Variants in EDNRB observed in about 807,000 individuals in gnomAD.
EDNRB encodes the protein endothelin receptor type B, also known as Hirschsprung disease 2.
Under a neutral mutation model 46.4 loss-of-function variants are expected in EDNRB, and 18 were observed. That is an observed-to-expected ratio of 0.39 (90% CI 0.27 to 0.57). EDNRB has a LOEUF of 0.57. EDNRB is among the 20% of genes least tolerant of loss of function. EDNRB has a pLI of 0.61. For missense variants in EDNRB, 434 were observed against 537.5 expected (o/e 0.81, Z 1.90); for synonymous variants, 213 against 204.9 (o/e 1.04, Z -0.34).
chr13:77,921,795 T>G (rs2137645194), upstream of EDNRB, among the ~76,000 whole-genome samples: 1 of 152,314 alleles, frequency 6.6e-6, no homozygotes, highest in Middle Eastern at 3.4e-3. Flanking sequence ...AGAAAAGGAT[T>G]AAAGTTACTT....
At chr13:77,973,366 A>G (rs1196593491) in intron 1 of EDNRB, among the ~76,000 whole-genome samples, 1 of 152,158 alleles carries the variant, frequency 6.6e-6, no homozygotes, top group Non-Finnish European at 1.5e-5. Context: ...CTAATTTTTA[A>G]TATTTGACTA....
At chr13:77,966,019 G>GGT (rs1881570501) in intron 1 of EDNRB, among the ~76,000 whole-genome samples, 1 of 152,092 alleles carries the variant, frequency 6.6e-6, no homozygotes, top group Admixed American at 6.5e-5. Context: ...TAAGACTGCA[G>GGT]GTGTGTGTCA....
intron 1 of EDNRB, chr13:77,939,650 C>A (rs1258937425): frequency 6.6e-6 from 1 of 152,170 alleles, no homozygotes; most frequent in Non-Finnish European, 1.5e-5. Context: ...ACGAAAATAT[C>A]TGATTCTCTT....
rs539736569 is a variant in EDNRB at position 77,959,746 on chromosome 13, A to C, written c.-52+15601T>G. Among the ~76,000 whole-genome samples, 4 of 152,344 alleles carry C rather than the reference A, an allele frequency of 2.6e-5. No individual in the cohort carries two copies. In the South Asian group the frequency reaches 8.3e-4, roughly 32 times the overall value. ...CAGATGATCAAACTTCTCCGAGCTA[A>C]AGGAGGAAGTTCGAACCCATCATAC... On this transcript the variant is annotated intron_variant, in intron 1 of 7. Coordinates refer to the EDNRB transcript ENST00000646948.
chr13:77,900,028 G>A, intron 5 of EDNRB, 61 bp from the exon 6 acceptor site: 1 of 1,408,986 alleles, frequency 7.1e-7, no homozygotes, highest in Non-Finnish European at 1.0e-6. Flanking sequence ...TGTAGTCATT[G>A]TAGCTTCTGT....
intron 1 of EDNRB, among the ~76,000 whole-genome samples, chr13:77,927,422 G>C (rs1049528764): frequency 2.6e-5 from 4 of 152,198 alleles, no homozygotes; most frequent in South Asian, 2.1e-4. Context: ...GAGGAAGTCT[G>C]TGTCTAGGAA....
chr13:77,934,883 C>T (rs1211340109), intron 1 of EDNRB, among the ~76,000 whole-genome samples: 6 of 151,798 alleles, frequency 4.0e-5, no homozygotes, highest in Admixed American at 1.3e-4. Flanking sequence ...ATAAATCAAG[C>T]GTGATCAGGT....
At chr13:77,917,489 A>G (rs1879869936) in intron 1 of EDNRB, among the ~76,000 whole-genome samples, 1 of 152,170 alleles carries the variant, frequency 6.6e-6, no homozygotes, top group Non-Finnish European at 1.5e-5. Flanking sequence ...GTCCTTCCCA[A>G]AGTTAGTGGG....
chr13:77,906,601 T>C (rs1210451946), intron 1 of EDNRB, among the ~76,000 whole-genome samples: 1 of 152,028 alleles, frequency 6.6e-6, no homozygotes, highest in Non-Finnish European at 1.5e-5. Context: ...AGAAACCAGA[T>C]GGCAAAGAAC....
At chr13:77,944,277 A>G (rs1488817506) in intron 1 of EDNRB, among the ~76,000 whole-genome samples, 1 of 152,140 alleles carries the variant, frequency 6.6e-6, no homozygotes, top group Non-Finnish European at 1.5e-5. Context: ...TTGGTCTTGA[A>G]TATTGAACCA....
chr13:77,942,845 T>G (rs979773541), intron 1 of EDNRB, among the ~76,000 whole-genome samples: 3 of 152,188 alleles, frequency 2.0e-5, no homozygotes, highest in Non-Finnish European at 4.4e-5. Flanking sequence ...TTCTAAATTA[T>G]ATAGGCTTTT....
At chr13:77,942,557 G>A (rs931507448) in intron 1 of EDNRB, among the ~76,000 whole-genome samples, 2 of 151,984 alleles carry the variant, frequency 1.3e-5, no homozygotes, top group Non-Finnish European at 2.9e-5. Context: ...GCATCACATT[G>A]CACCCAATTA....
chr13:77,905,651 T>C (rs1594362492), intron 1 of EDNRB, among the ~76,000 whole-genome samples: 1 of 151,934 alleles, frequency 6.6e-6, no homozygotes, highest in South Asian at 2.1e-4. Context: ...GGATTTGAGG[T>C]GTTTTCTTGA....
intron 1 of EDNRB, among the ~76,000 whole-genome samples, chr13:77,914,237 G>C (rs765051514): frequency 5.9e-5 from 9 of 152,096 alleles, no homozygotes; most frequent in Admixed American, 5.9e-4. Flanking sequence ...CAAACATGTC[G>C]TTTGTAGTCA....
intron 1 of EDNRB, chr13:77,939,274 C>G (rs1254723441): frequency 2.6e-5 from 4 of 152,168 alleles, no homozygotes; most frequent in African/African-American, 9.6e-5. Flanking sequence ...ATTTTCATTT[C>G]TTTTGTGGTG....
In EDNRB at chr13:77,918,683, G is replaced by C. The variant is rs760158617; in HGVS notation, c.-110C>G. ...TTGGGTCAGCTGCCCGAGCCAAGTC[G>C]CTGCAAACGCTAATACCGCCCGCAG... On this transcript the variant is annotated 5_prime_UTR_variant, in exon 1 of 7. Transcript: ENST00000646607. This position sits in a 1 kb window ranked among gnomAD's most constrained non-coding sequence, Gnocchi z 4.5. The C allele has an allele frequency of 1.4e-6, 2 of 1,439,204 alleles. No homozygotes were observed. The highest frequency in any genetic ancestry group is 1.4e-5 in the African/African-American group (1 of 69,764). The allele number at this position is 1,439,204 out of a possible 1,614,324, so 89.2% of individuals were successfully genotyped here.
At position 77,903,246 on chromosome 13, in the gene EDNRB, G is replaced by A. The variant is rs199606499; in HGVS notation, c.711C>T (p.Ala237=). The part of the protein sequence containing the change: ...VVSVVLAVPE[A]IGFDIITMDY... ...CCATCGTAATTATATCAAAACCTAT[G>A]GCTTCAGGGACAGCCAGAACCACAG... Residue 237 remains alanine, a synonymous_variant, in exon 3 of 7, where the codon GCC becomes GCT. Coordinates refer to ENST00000646607, the MANE Select transcript of EDNRB (RefSeq NM_001122659.3). 4.3e-6 allele frequency: 7 copies of A among 1,612,798 alleles called. No homozygotes were observed. Among genetic ancestry groups the A allele is most frequent in the Non-Finnish European group, 5.9e-6 (7 of 1,179,322 alleles).
At chr13:77,900,491 A>C (rs201952865) in intron 5 of EDNRB, 30 bp downstream of exon 5, 3 of 1,611,536 alleles carry the variant, frequency 1.9e-6, no homozygotes, top group Non-Finnish European at 2.5e-6. Context: ...GCATTTATTT[A>C]CAAAACCATT....
intron 1 of EDNRB, among the ~76,000 whole-genome samples, chr13:77,972,177 TG>T (rs752800326): frequency 4.6e-5 from 7 of 152,174 alleles, no homozygotes; most frequent in Non-Finnish European, 8.8e-5. Flanking sequence ...TACTTCAGGC[TG>T]TAGAATACTG....
Sources: gnomAD v4.1 joint callset for allele counts (sites outside exome capture counted in the v4.1 genomes callset) on GRCh38, gnomAD v4.1.1 for gene constraint, Gnocchi (gnomAD v3.1) non-coding constraint, MANE v1.5 for transcripts, NCBI Gene and HGNC (gene_info 2026-07-23, HGNC 2026-07-21) for gene names.